POTEE: variants seen among roughly 807,000 people sequenced by gnomAD.
The protein encoded by POTEE is ANKRD26-like family C member 1A.
POTEE carries 21 observed loss-of-function variants against 74.2 expected under a neutral mutation model. That is an observed-to-expected ratio of 0.28 (90% CI 0.20 to 0.41). The LOEUF (loss-of-function observed/expected upper bound fraction) is 0.41, where lower values mean the gene tolerates loss of function less well. Ranked by LOEUF, POTEE falls within the 10% of genes least tolerant of loss-of-function variation. The pLI, the probability that POTEE is intolerant of heterozygous loss-of-function variation, is 1.00. For missense variants in POTEE, 525 were observed against 1,158.6 expected, an observed-to-expected ratio of 0.45 and a Z score of 7.94; for synonymous variants, 211 against 432.8, an observed-to-expected ratio of 0.49 and a Z score of 6.36.
At position 131,265,082 on chromosome 2, in the gene POTEE, A is replaced by T. The variant is rs1027346927; in HGVS notation, c.*399A>T. On this transcript the variant is annotated 3_prime_UTR_variant, in exon 18 of 18. Transcript: ENST00000683005. ...TTTTGTGCAAATTACATAATGCAAA[A>T]TTTTTTGAATCTTCGCCTTAATACT... The T allele has an allele frequency of 9.2e-6, 2 of 216,776 alleles. No individual in the cohort carries two copies. The highest frequency in any genetic ancestry group is 5.3e-5 in the Admixed American group (1 of 18,782). The allele number at this position is 216,776 out of a possible 1,614,324, so 13.4% of individuals were successfully genotyped here. A position where few individuals can be genotyped will look rare whatever the true frequency, so the allele number is the denominator to read the frequency against.
At chr2:131,211,006 C>T (rs1200403700) in intron 1 of POTEE, among the ~76,000 whole-genome samples, 22 bp from the exon 2 acceptor site, 1 of 151,002 alleles carries the variant, frequency 6.6e-6, no homozygotes, top group African/African-American at 2.5e-5. Context: ...CTAACGTTAC[C>T]ACTCCCTGCA....
At chr2:131,224,713 GA>G (rs1700728242) in intron 6 of POTEE, among the ~76,000 whole-genome samples, 1 of 151,336 alleles carries the variant, frequency 6.6e-6, no homozygotes, top group East Asian at 1.9e-4. Context: ...CAGTTTGGGA[GA>G]GGGAGTTAGT....
In POTEE at chr2:131,263,454, C is replaced by T. The variant is rs537921113; in HGVS notation, c.1999C>T (p.His667Tyr). The T allele has an allele frequency of 2.0e-3, 3,221 of 1,606,004 alleles. No homozygotes were observed. The African/African-American group carries it at 0.038, about 19-fold the overall frequency. The change falls in exon 18 of 18, where the codon CAT becomes TAT. Residue 667 changes from histidine (H) to tyrosine (Y), a missense_variant. Physicochemically the swap from His to Tyr is moderately conservative, Grantham distance 83 (BLOSUM62 2). Coordinates refer to ENST00000683005, the MANE Select transcript of POTEE (RefSeq NM_001083538.3). Reference protein sequence around the residue: ...MLRLELDTMKHQSQLREKKYL... With the variant: ...MLRLELDTMKYQSQLREKKYL... ...AAGACTGGAGCTAGACACAATGAAA[C>T]ATCAGAGCCAGCTAAGAGAAAAGAA...
chr2:131,237,588 A>G (rs1333937286), intron 10 of POTEE, among the ~76,000 whole-genome samples: 12 of 151,370 alleles, frequency 7.9e-5, no homozygotes, highest in Admixed American at 1.3e-4. Flanking sequence ...TTAGAACTGG[A>G]CTTACGCAGA....
intron 3 of POTEE, chr2:131,218,074 C>T (rs1700491997): frequency 2.2e-6 from 1 of 445,156 alleles, no homozygotes; most frequent in Non-Finnish European, 4.1e-6. Flanking sequence ...CTTTGCTGGG[C>T]TTGACCTTTT....
At chr2:131,217,103 A>C (rs1242318027) in intron 2 of POTEE, among the ~76,000 whole-genome samples, 2 of 150,208 alleles carry the variant, frequency 1.3e-5, no homozygotes, top group African/African-American at 4.9e-5. Context: ...CCTGTGAAAA[A>C]AGTTAAAAAA....
At chr2:131,228,005 T>G (rs921236601) in intron 7 of POTEE, among the ~76,000 whole-genome samples, 8 of 150,702 alleles carry the variant, frequency 5.3e-5, no homozygotes, top group Non-Finnish European at 8.8e-5. Flanking sequence ...CAAAGGACTT[T>G]AAATTAGTAG....
At position 131,215,749 on chromosome 2, in the gene POTEE, A is replaced by G. The variant is rs563307624; in HGVS notation, c.-188-1840A>G. On this transcript the variant is annotated intron_variant, in intron 2 of 17. Coordinates refer to ENST00000683005, the MANE Select transcript of POTEE (RefSeq NM_001083538.3). The stretch of plus-strand genomic sequence containing the variant: ...AGGTTTTTTTTTAAATAACAACTAG[A>G]CCAAGAGAAAGGGAGAGTAGTGATA... 2.8e-4 allele frequency among the ~76,000 whole-genome samples: 38 copies of G among 136,898 alleles called. 1 individual carries two copies. The South Asian group carries it at 9.8e-3, about 35-fold the overall frequency. The allele number at this position is 136,898 out of a possible 152,430, so 89.8% of individuals were successfully genotyped here.
chr2:131,224,342 A>C (rs994861889), intron 6 of POTEE, among the ~76,000 whole-genome samples: 1 of 144,524 alleles, frequency 6.9e-6, no homozygotes, highest in African/African-American at 2.6e-5. Context: ...TTTTTTCCCT[A>C]TTGAATGTAA....
intron 12 of POTEE, among the ~76,000 whole-genome samples, chr2:131,243,206 C>T (rs1701280639): frequency 6.6e-6 from 1 of 152,114 alleles, no homozygotes; most frequent in Non-Finnish European, 1.5e-5. Context: ...GACATCAACG[C>T]TGTTAACCTT....
chr2:131,264,164 G>A lies in POTEE; in HGVS notation c.2709G>A (p.Met903Ile). ...LTERGYRFTT[M>I]AEREIVRDIK... ...AGCGTGGCTATAGGTTCACCACCAT[G>A]GCCGAGCGGGAAATCGTGCGTGACA... The change falls in exon 18 of 18, where the codon ATG becomes ATA. Residue 903 changes from methionine to isoleucine, a missense_variant. Met to Ile is a conservative substitution (Grantham distance 10, BLOSUM62 1). Transcript: ENST00000683005. The A allele has an allele frequency of 6.2e-7, 1 of 1,614,310 alleles. No homozygotes were observed. Among genetic ancestry groups the A allele is most frequent in the Non-Finnish European group, 8.5e-7 (1 of 1,180,058 alleles).
chr2:131,224,142 T>C (rs1700712933), intron 6 of POTEE, 99 bp downstream of exon 6: 4 of 1,448,818 alleles, frequency 2.8e-6, no homozygotes. Context: ...AGCTCAAGCA[T>C]AACCTGAATG....
At chr2:131,255,565 GTT>G (rs752323540) in intron 16 of POTEE, among the ~76,000 whole-genome samples, 3 of 13,606 alleles carry the variant, frequency 2.2e-4, no homozygotes, top group African/African-American at 6.9e-4. Context: ...CTTTCTCATA[GTT>G]TTTTTTTTTT....
rs1237268062 is a variant in POTEE at position 131,263,879 on chromosome 2, C to T, written c.2424C>T (p.Ala808=). 6.2e-7 allele frequency: 1 copy of T among 1,614,134 alleles called. No individual in the cohort carries two copies. Among genetic ancestry groups the T allele is most frequent in the Non-Finnish European group, 8.5e-7 (1 of 1,180,006 alleles). The change falls in exon 18 of 18, where the codon GCC becomes GCT. Residue 808 remains alanine, a synonymous_variant. Transcript: ENST00000683005. ...PEEHPILLTE[A]PLNPKANREK... is the part of the protein sequence containing the mutation. Reference sequence around the variant, plus strand: ...AGCACCCCATCCTGCTGACCGAGGCCCCCCTGAACCCCAAGGCCAACCGCG... The same window carrying T: ...AGCACCCCATCCTGCTGACCGAGGCTCCCCTGAACCCCAAGGCCAACCGCG...
chr2:131,224,870 G>A (rs1439086288), intron 6 of POTEE, among the ~76,000 whole-genome samples: 2 of 152,060 alleles, frequency 1.3e-5, no homozygotes, highest in Non-Finnish European at 2.9e-5. Flanking sequence ...GGTAGAAATG[G>A]CCAATTAGAG....
At chr2:131,219,712 G>C (rs1025571416) in intron 4 of POTEE, among the ~76,000 whole-genome samples, 3 of 151,884 alleles carry the variant, frequency 2.0e-5, no homozygotes, top group Admixed American at 1.3e-4. Context: ...ACTCCAGCCT[G>C]GGCGACAGAG....
In POTEE at chr2:131,218,643, G is replaced by T; in HGVS notation, c.241G>T (p.Gly81Cys). Reference protein sequence around the residue: ...CCRGSGKSNVGASGDHDDSAM... With the variant: ...CCRGSGKSNVCASGDHDDSAM... ...CAGGGGGAGTGGCAAGAGCAACGTG[G>T]GCGCTTCTGGAGACCACGACGACTC... is the stretch of plus-strand genomic sequence containing the variant. Residue 81 changes from glycine (G) to cysteine (C), a missense_variant, in exon 4 of 18, where the codon GGC (glycine) becomes TGC (cysteine). By Grantham distance (159) the Gly-to-Cys change is radical. Transcript: ENST00000683005. 1.9e-6 allele frequency: 3 copies of T among 1,609,102 alleles called. No individual in the cohort carries two copies. Among genetic ancestry groups the T allele is most frequent in the Non-Finnish European group, 2.5e-6 (3 of 1,178,804 alleles).
At chr2:131,220,628 T>G (rs1199988579) in intron 4 of POTEE, among the ~76,000 whole-genome samples, 1 of 151,932 alleles carries the variant, frequency 6.6e-6, no homozygotes, top group Non-Finnish European at 1.5e-5. Context: ...GGAATGTAAG[T>G]TAGAAGAGGA....
intron 1 of POTEE, among the ~76,000 whole-genome samples, chr2:131,210,659 A>G (rs1244379049): frequency 6.6e-6 from 1 of 151,116 alleles, no homozygotes; most frequent in East Asian, 1.9e-4. Flanking sequence ...ACCACCTGGG[A>G]CTACCGGGTG....
Sources: allele counts gnomAD v4.1 joint callset (sites outside exome capture counted in the v4.1 genomes callset), GRCh38; gene constraint gnomAD v4.1.1; transcripts MANE v1.5; gene names NCBI Gene and HGNC (gene_info 2026-07-23, HGNC 2026-07-21).